The following AMBRA1 variants were observed in gnomAD, a reference collection of about 807,000 sequenced individuals.
AMBRA1 encodes activating molecule in BECN1-regulated autophagy protein 1.
Under a neutral mutation model 125.4 loss-of-function variants are expected in AMBRA1, and 47 were observed. The ratio of observed to expected loss-of-function variants is 0.37; its 90% CI spans 0.30 to 0.48. The LOEUF is 0.48. AMBRA1 is among the 20% of genes least tolerant of loss of function. AMBRA1 has a pLI of 0.99. For missense variants in AMBRA1, 1,331 were observed against 1,693.4 expected (o/e 0.79, Z 3.76); for synonymous variants, 626 against 655.5 (o/e 0.95, Z 0.69).
At chr11:46,567,219 ACAC>A (rs1745787959) in intron 1 of AMBRA1, among the ~76,000 whole-genome samples, 1 of 152,008 alleles carries the variant, frequency 6.6e-6, no homozygotes, top group Non-Finnish European at 1.5e-5. Flanking sequence ...TTACAGGTGC[ACAC>A]CACAACACCC....
intron 13 of AMBRA1, among the ~76,000 whole-genome samples, chr11:46,434,243 T>C (rs1455339584): frequency 6.6e-6 from 1 of 151,972 alleles, no homozygotes; most frequent in Non-Finnish European, 1.5e-5. Context: ...TTTAATACAT[T>C]ATGAACACTG....
intron 1 of AMBRA1, among the ~76,000 whole-genome samples, chr11:46,550,511 A>G (rs1334870995): frequency 1.3e-5 from 2 of 151,984 alleles, no homozygotes; most frequent in African/African-American, 2.4e-5. Flanking sequence ...TTACTTCTCA[A>G]CTTTTTACTT....
intron 1 of AMBRA1, among the ~76,000 whole-genome samples, chr11:46,570,684 A>G (rs909965466): frequency 6.6e-6 from 1 of 152,190 alleles, no homozygotes; most frequent in Non-Finnish European, 1.5e-5. Flanking sequence ...CCAGTAAGAG[A>G]TAAACTGTAG....
At chr11:46,462,237 C>A (rs1425108773) in intron 11 of AMBRA1, among the ~76,000 whole-genome samples, 4 of 152,192 alleles carry the variant, frequency 2.6e-5, no homozygotes, top group Non-Finnish European at 5.9e-5. Flanking sequence ...TAAGCACACA[C>A]CTTTTTAAGA....
chr11:46,443,811 C>A (rs75494138), intron 11 of AMBRA1, among the ~76,000 whole-genome samples: 1 of 152,124 alleles, frequency 6.6e-6, no homozygotes, highest in African/African-American at 2.4e-5. Context: ...AAATATAATC[C>A]CATTCATCAG....
chr11:46,567,144 T>G (rs2043561739), intron 1 of AMBRA1, among the ~76,000 whole-genome samples: 1 of 152,228 alleles, frequency 6.6e-6, no homozygotes, highest in East Asian at 1.9e-4. Context: ...CCATCTCGAC[T>G]TACTGCAGCC....
chr11:46,578,018 T>C (rs2135299781), intron 1 of AMBRA1, among the ~76,000 whole-genome samples: 1 of 152,276 alleles, frequency 6.6e-6, no homozygotes, highest in South Asian at 2.1e-4. Flanking sequence ...GTAATCCAGC[T>C]ACTTGGGAGG....
At chr11:46,547,077 C>A in intron 4 of AMBRA1, 36 bp downstream of exon 4, 1 of 1,548,722 alleles carries the variant, frequency 6.5e-7, no homozygotes, top group Non-Finnish European at 8.7e-7. Flanking sequence ...AAAATTAGAA[C>A]ACCAAAAGAA....
At chr11:46,416,011 T>C (rs1210990438) in intron 15 of AMBRA1, among the ~76,000 whole-genome samples, 2 of 152,146 alleles carry the variant, frequency 1.3e-5, no homozygotes, top group East Asian at 1.9e-4. Context: ...TAGATTATTT[T>C]TGCAAGGGAG....
At chr11:46,526,776 C>T (rs1021944230) in intron 7 of AMBRA1, among the ~76,000 whole-genome samples, 1 of 152,062 alleles carries the variant, frequency 6.6e-6, no homozygotes, top group Non-Finnish European at 1.5e-5. Flanking sequence ...TTTTAAGTCA[C>T]TAAGTTTTGG....
intron 17 of AMBRA1, 88 bp downstream of exon 17, chr11:46,408,425 G>A (rs1946129162): frequency 2.3e-6 from 3 of 1,320,178 alleles, no homozygotes; most frequent in Non-Finnish European, 3.0e-6. Flanking sequence ...CCCAGACATG[G>A]GAGGGGGTAT....
chr11:46,514,393 A>G (rs1951390039), intron 7 of AMBRA1, among the ~76,000 whole-genome samples: 1 of 152,178 alleles, frequency 6.6e-6, no homozygotes, highest in African/African-American at 2.4e-5. Context: ...CAAGGCCTAT[A>G]TCCCCATACT....
chr11:46,444,129 G>A (rs1440106116), intron 11 of AMBRA1, among the ~76,000 whole-genome samples: 10 of 152,184 alleles, frequency 6.6e-5, no homozygotes, highest in Admixed American at 6.5e-4. Context: ...ACAGCTGATT[G>A]GATAGAAACA....
At chr11:46,411,906 G>A (rs1024828586) in intron 15 of AMBRA1, among the ~76,000 whole-genome samples, 1 of 152,138 alleles carries the variant, frequency 6.6e-6, no homozygotes, top group Non-Finnish European at 1.5e-5. Flanking sequence ...GATTACAGGC[G>A]TGAGCCACCA....
At chr11:46,398,866 C>T (rs1169445812) in intron 17 of AMBRA1, among the ~76,000 whole-genome samples, 2 of 151,598 alleles carry the variant, frequency 1.3e-5, no homozygotes, top group Non-Finnish European at 2.9e-5. Context: ...CTCCGCCTCC[C>T]GGGTTCAAGC....
intron 1 of AMBRA1, among the ~76,000 whole-genome samples, chr11:46,583,157 T>A (rs547020240): frequency 2.6e-5 from 4 of 152,030 alleles, no homozygotes; most frequent in Admixed American, 1.3e-4. Context: ...ACAGAGATAT[T>A]GATCAATGGA....
chr11:46,396,601 G>A lies in AMBRA1; in HGVS notation c.*849C>T, dbSNP rs1024135729. The stretch of plus-strand genomic sequence containing the variant: ...CACTAGAAACTACACGTACAGTTAA[G>A]AGTCCACATGCAACACCTTAAATCA... On this transcript the variant is annotated 3_prime_UTR_variant, in exon 18 of 18. Coordinates refer to ENST00000683756, the MANE Select transcript of AMBRA1 (RefSeq NM_001387011.1). 1 of 152,662 alleles carries A rather than the reference G, an allele frequency of 6.6e-6. No individual in the cohort carries two copies. The allele number at this position is 152,662 out of a possible 1,614,324, so 9.5% of individuals were successfully genotyped here. A position where few individuals can be genotyped will look rare whatever the true frequency, so the allele number is the denominator to read the frequency against.
At chr11:46,446,334 G>A (rs1224857100) in intron 11 of AMBRA1, among the ~76,000 whole-genome samples, 1 of 152,246 alleles carries the variant, frequency 6.6e-6, no homozygotes, top group Non-Finnish European at 1.5e-5. Flanking sequence ...AAAGCCTGAT[G>A]TTATTAAAAC....
intron 1 of AMBRA1, among the ~76,000 whole-genome samples, chr11:46,583,785 C>T (rs1462139720): frequency 6.6e-6 from 1 of 151,274 alleles, no homozygotes; most frequent in Non-Finnish European, 1.5e-5. Flanking sequence ...CTCACCATCA[C>T]TGGCCATCAG....
Sources: allele counts gnomAD v4.1 joint callset (sites outside exome capture counted in the v4.1 genomes callset), GRCh38; gene constraint gnomAD v4.1.1; transcripts MANE v1.5; gene names NCBI Gene and HGNC (gene_info 2026-07-23, HGNC 2026-07-21).